STK32B: variants seen among roughly 807,000 people sequenced by gnomAD.
STK32B encodes the protein serine/threonine kinase 32B.
Under a neutral mutation model 52.6 loss-of-function variants are expected in STK32B, and 43 were observed. The ratio of observed to expected loss-of-function variants is 0.82; its 90% CI spans 0.64 to 1.05. The LOEUF (loss-of-function observed/expected upper bound fraction) is 1.05, where lower values mean the gene tolerates loss of function less well. Among genes scored for constraint, STK32B ranks in the 50% least tolerant of loss-of-function variants. STK32B has a pLI of 0.00. For synonymous variants in STK32B, 238 were observed against 204.3 expected (o/e 1.17, Z -1.41); for missense variants, 621 against 534.6 (o/e 1.16, Z -1.59).
At chr4:5,044,841 G>T in the STK32B span, among the ~76,000 whole-genome samples, 1 of 152,124 alleles carries the variant, frequency 6.6e-6, no homozygotes, top group Non-Finnish European at 1.5e-5. Flanking sequence ...ATCCTGGGAG[G>T]CTGAGGCTGC....
chr4:5,485,005 T>C (rs1021832666), intron 11 of STK32B, among the ~76,000 whole-genome samples: 1 of 152,154 alleles, frequency 6.6e-6, no homozygotes, highest in Non-Finnish European at 1.5e-5. Context: ...GACCTTTCTC[T>C]CTGGCTGCCC....
At chr4:5,211,748 C>T (rs539546909) in intron 3 of STK32B, among the ~76,000 whole-genome samples, 1 of 152,310 alleles carries the variant, frequency 6.6e-6, no homozygotes, top group African/African-American at 2.4e-5. Flanking sequence ...AGCAAACAAA[C>T]AATCTTGCTT....
intron 4 of STK32B, among the ~76,000 whole-genome samples, chr4:5,390,023 C>T (rs1355743918): frequency 6.6e-6 from 1 of 152,200 alleles, no homozygotes; most frequent in Non-Finnish European, 1.5e-5. Context: ...GAACAGAGCT[C>T]CTCTGTGGGC....
At chr4:5,447,005 C>T (rs1285775858) in intron 7 of STK32B, 2 of 480,868 alleles carry the variant, frequency 4.2e-6, no homozygotes, top group East Asian at 7.1e-5. Context: ...GGGGGAGGGT[C>T]TTACACAAAG....
intron 4 of STK32B, among the ~76,000 whole-genome samples, chr4:5,337,783 G>T (rs1260206421): frequency 6.6e-6 from 1 of 152,138 alleles, no homozygotes; most frequent in Non-Finnish European, 1.5e-5. Flanking sequence ...CAACATCTGT[G>T]TAGAGTACAG....
intron 3 of STK32B, among the ~76,000 whole-genome samples, chr4:5,170,616 A>G (rs549304726): frequency 1.3e-5 from 2 of 152,274 alleles, no homozygotes; most frequent in African/African-American, 4.8e-5. Flanking sequence ...AGCTTCATCC[A>G]TGTCCCTACA....
At chr4:5,357,038 CACAT>C (rs918896521) in intron 4 of STK32B, among the ~76,000 whole-genome samples, 2 of 148,380 alleles carry the variant, frequency 1.3e-5, no homozygotes, top group African/African-American at 5.1e-5. Flanking sequence ...CACACACACA[CACAT>C]ATATACACAC....
intron 3 of STK32B, among the ~76,000 whole-genome samples, chr4:5,169,459 T>TAC (rs1719162399): frequency 6.6e-6 from 1 of 152,132 alleles, no homozygotes; most frequent in African/African-American, 2.4e-5. Flanking sequence ...GCTTTGCACA[T>TAC]ACTTGACCAC....
At chr4:5,162,858 A>G (rs1240570043) in intron 2 of STK32B, among the ~76,000 whole-genome samples, 1 of 152,210 alleles carries the variant, frequency 6.6e-6, no homozygotes, top group Non-Finnish European at 1.5e-5. Flanking sequence ...GTTGGTGACA[A>G]GTGTTCAGCT....
chr4:5,037,604 G>A, the STK32B span, among the ~76,000 whole-genome samples: 1 of 152,126 alleles, frequency 6.6e-6, no homozygotes, highest in African/African-American at 2.4e-5. Flanking sequence ...TTGGACTGAG[G>A]GTGCCTGGAG....
chr4:5,343,182 G>C (rs539756045), intron 4 of STK32B, among the ~76,000 whole-genome samples: 1 of 143,636 alleles, frequency 7.0e-6, no homozygotes, highest in Non-Finnish European at 1.5e-5. Flanking sequence ...TCCCACCTAT[G>C]AGTGAGAACA....
chr4:5,189,072 C>G (rs1720978992), intron 3 of STK32B, among the ~76,000 whole-genome samples: 1 of 152,012 alleles, frequency 6.6e-6, no homozygotes, highest in South Asian at 2.1e-4. Context: ...AGGAGATTTC[C>G]CATGCACCTG....
intron 1 of STK32B, among the ~76,000 whole-genome samples, chr4:5,092,319 GT>G (rs1713125047): frequency 1.3e-5 from 2 of 152,180 alleles, no homozygotes; most frequent in Non-Finnish European, 1.5e-5. Flanking sequence ...ATCACCTGAG[GT>G]CAAGAGTTTG....
chr4:5,075,967 A>G (rs1712046679), intron 1 of STK32B, among the ~76,000 whole-genome samples: 1 of 152,186 alleles, frequency 6.6e-6, no homozygotes, highest in Non-Finnish European at 1.5e-5. Flanking sequence ...ATAAGCATTT[A>G]TTTCTTGCTC....
At chr4:5,235,543 G>C (rs1027943483) in intron 3 of STK32B, among the ~76,000 whole-genome samples, 2 of 152,124 alleles carry the variant, frequency 1.3e-5, no homozygotes, top group Non-Finnish European at 2.9e-5. Context: ...CTTTATCTGA[G>C]GATTTCAGAT....
chr4:5,426,682 T>C (rs1487462122), intron 6 of STK32B, among the ~76,000 whole-genome samples: 1 of 46,660 alleles, frequency 2.1e-5, no homozygotes, highest in African/African-American at 9.2e-5. Context: ...AGGGCGAGAC[T>C]CCATCTAAAC....
intron 4 of STK32B, among the ~76,000 whole-genome samples, chr4:5,341,734 T>G (rs1373266121): frequency 6.6e-6 from 1 of 152,172 alleles, no homozygotes; most frequent in African/African-American, 2.4e-5. Context: ...TGCTGGCATC[T>G]GTTCGGCTTC....
chr4:5,259,036 C>G (rs1195287983), intron 3 of STK32B, among the ~76,000 whole-genome samples: 3 of 152,164 alleles, frequency 2.0e-5, no homozygotes, highest in African/African-American at 7.2e-5. Context: ...CTAGAATGCT[C>G]TGCCCCAGAG....
At chr4:5,474,436 C>T (rs570888671) in intron 11 of STK32B, among the ~76,000 whole-genome samples, 1 of 152,354 alleles carries the variant, frequency 6.6e-6, no homozygotes, top group East Asian at 1.9e-4. Context: ...TTACCAAGGT[C>T]TGTGCCATCT....
Sources: allele counts gnomAD v4.1 joint callset (sites outside exome capture counted in the v4.1 genomes callset), GRCh38; gene constraint gnomAD v4.1.1; transcripts MANE v1.5; gene names NCBI Gene and HGNC (gene_info 2026-07-23, HGNC 2026-07-21).